Variants in RAP1GDS1 observed in about 807,000 individuals in gnomAD.
The protein encoded by RAP1GDS1 is Rap1 GTPase-GDP dissociation stimulator 1.
In RAP1GDS1, 35 loss-of-function variants were observed where a neutral mutation model predicts 71.1. That is an observed-to-expected ratio of 0.49 (90% confidence interval 0.38 to 0.65). The LOEUF (loss-of-function observed/expected upper bound fraction) is 0.65. Among genes scored for constraint, RAP1GDS1 ranks in the 30% least tolerant of loss-of-function variants. The pLI, the probability that RAP1GDS1 is intolerant of heterozygous loss-of-function variation, is 0.00. For missense variants in RAP1GDS1, 663 were observed against 706.1 expected (o/e 0.94, Z 0.69); for synonymous variants, 229 against 243.1 (o/e 0.94, Z 0.54).
chr4:98,294,562 C>T (rs1236131148), intron 2 of RAP1GDS1, among the ~76,000 whole-genome samples: 1 of 151,916 alleles, frequency 6.6e-6, no homozygotes, highest in Non-Finnish European at 1.5e-5. Context: ...AGATAAGGCT[C>T]AAAATGGTAA....
chr4:98,428,807 A>T (rs1749985074), intron 12 of RAP1GDS1, among the ~76,000 whole-genome samples: 1 of 152,224 alleles, frequency 6.6e-6, no homozygotes, highest in Non-Finnish European at 1.5e-5. Context: ...CTAAAAGTAG[A>T]TTTACCATTT....
At chr4:98,345,079 C>T (rs1309652801) in intron 3 of RAP1GDS1, among the ~76,000 whole-genome samples, 2 of 152,156 alleles carry the variant, frequency 1.3e-5, no homozygotes, top group Non-Finnish European at 2.9e-5. Flanking sequence ...GGGATCCTCC[C>T]GCCTTGGCCT....
At chr4:98,415,848 C>T (rs868607944) in intron 7 of RAP1GDS1, among the ~76,000 whole-genome samples, 5 of 152,202 alleles carry the variant, frequency 3.3e-5, no homozygotes, top group Non-Finnish European at 4.4e-5. Flanking sequence ...CCACCATGTA[C>T]CCATCACTCA....
At chr4:98,343,317 C>T in intron 3 of RAP1GDS1, 56 bp downstream of exon 3, 1 of 1,519,148 alleles carries the variant, frequency 6.6e-7, no homozygotes, top group East Asian at 2.3e-5. Context: ...TTACATCTTA[C>T]TTGTCAGTAT....
At chr4:98,435,912 A>C (rs1265426349) in intron 13 of RAP1GDS1, among the ~76,000 whole-genome samples, 13 of 151,674 alleles carry the variant, frequency 8.6e-5, no homozygotes, top group Admixed American at 5.9e-4. Context: ...TCTACTAAAA[A>C]TACAAAAAAT....
At chr4:98,438,381 C>G (rs1751427047) in intron 14 of RAP1GDS1, among the ~76,000 whole-genome samples, 1 of 151,548 alleles carries the variant, frequency 6.6e-6, no homozygotes, top group Non-Finnish European at 1.5e-5. Flanking sequence ...CTGTATACAG[C>G]ACAAAGTTGT....
chr4:98,398,150 A>C (rs1744822250), intron 6 of RAP1GDS1, among the ~76,000 whole-genome samples: 1 of 152,150 alleles, frequency 6.6e-6, no homozygotes, highest in Admixed American at 6.5e-5. Flanking sequence ...CTTAAGGAGA[A>C]CAGAAAAGAG....
intron 4 of RAP1GDS1, among the ~76,000 whole-genome samples, chr4:98,355,938 G>A (rs952311609): frequency 6.6e-6 from 1 of 152,148 alleles, no homozygotes; most frequent in South Asian, 2.1e-4. Flanking sequence ...GGCTGGGAAC[G>A]TTTTTCATTT....
rs922709042 is a variant in RAP1GDS1 at position 98,326,819 on chromosome 4, T to C, written c.113-16320T>C. ...GTGAGCCATGGTGATTTTGGTCTCT[T>C]TTTCTTTTTTGGAAGGTAGGTGGAA... On this transcript the variant is annotated intron_variant, in intron 2 of 14. Transcript: ENST00000408927. Among the ~76,000 whole-genome samples the C allele has an allele frequency of 3.3e-5, 5 of 152,204 alleles. No individual in the cohort carries two copies. The South Asian group carries it at 8.3e-4, about 25-fold the overall frequency.
At chr4:98,311,358 A>T (rs1052521898) in intron 2 of RAP1GDS1, among the ~76,000 whole-genome samples, 1 of 152,200 alleles carries the variant, frequency 6.6e-6, no homozygotes, top group African/African-American at 2.4e-5. Context: ...TAAAATAAGT[A>T]TGTGTTTGTT....
intron 4 of RAP1GDS1, among the ~76,000 whole-genome samples, chr4:98,360,508 T>TA (rs1417830798): frequency 6.6e-6 from 1 of 152,190 alleles, no homozygotes; most frequent in Non-Finnish European, 1.5e-5. Context: ...TTTTTCCCCT[T>TA]ACCTTTACCA....
chr4:98,311,375 A>G (rs552848566), intron 2 of RAP1GDS1, among the ~76,000 whole-genome samples: 1 of 152,294 alleles, frequency 6.6e-6, no homozygotes, highest in East Asian at 1.9e-4. Flanking sequence ...TGTTGTTTTT[A>G]CTTCTTGTAA....
intron 12 of RAP1GDS1, among the ~76,000 whole-genome samples, chr4:98,432,109 T>A (rs1288306422): frequency 6.6e-6 from 1 of 152,078 alleles, no homozygotes; most frequent in Non-Finnish European, 1.5e-5. Context: ...CAGGCCCCAG[T>A]GTGTGATGTT....
intron 2 of RAP1GDS1, among the ~76,000 whole-genome samples, chr4:98,331,791 A>G (rs778519885): frequency 5.3e-5 from 8 of 152,236 alleles, no homozygotes; most frequent in Non-Finnish European, 1.0e-4. Flanking sequence ...ATCTTAATTT[A>G]GAATTTTGAG....
intron 5 of RAP1GDS1, 173 bp downstream of exon 5, chr4:98,379,336 A>G (rs1342767243): frequency 5.4e-6 from 4 of 744,894 alleles, no homozygotes; most frequent in Admixed American, 3.9e-5. Context: ...TAAAATGGTT[A>G]ATTTACTAAA....
chr4:98,428,687 AT>A (rs929943609), intron 12 of RAP1GDS1, among the ~76,000 whole-genome samples: 5 of 152,200 alleles, frequency 3.3e-5, no homozygotes, highest in Non-Finnish European at 7.3e-5. Flanking sequence ...AAATAAAAAA[AT>A]AATAGATGTT....
At chr4:98,388,406 C>A (rs1321227312) in intron 5 of RAP1GDS1, among the ~76,000 whole-genome samples, 1 of 152,070 alleles carries the variant, frequency 6.6e-6, no homozygotes, top group Non-Finnish European at 1.5e-5. Context: ...CCATGTTTCC[C>A]ACTCACCTCC....
chr4:98,395,426 C>G (rs1209694952), intron 6 of RAP1GDS1, among the ~76,000 whole-genome samples: 1 of 152,132 alleles, frequency 6.6e-6, no homozygotes, highest in Non-Finnish European at 1.5e-5. Context: ...TTTAAAGTTT[C>G]CATAATGTAT....
chr4:98,261,619 G>C (rs748327138), intron 1 of RAP1GDS1, 50 bp downstream of exon 1: 1 of 1,576,516 alleles, frequency 6.3e-7, no homozygotes, highest in South Asian at 1.1e-5. Context: ...TTTCTTTCTC[G>C]GCGTGCTGCA....
Sources: allele counts gnomAD v4.1 joint callset (sites outside exome capture counted in the v4.1 genomes callset), GRCh38; gene constraint gnomAD v4.1.1; transcripts MANE v1.5; gene names NCBI Gene and HGNC (gene_info 2026-07-23, HGNC 2026-07-21).